Variants in MGAT4C observed in about 807,000 individuals in gnomAD.
The protein encoded by MGAT4C is MGAT4 family member C, also known as alpha-1,3-mannosyl-glycoprotein 4-beta-N-acetylglucosaminyltransferase C.
A neutral mutation model predicts 40.1 loss-of-function variants in MGAT4C; 19 were observed. That is an observed-to-expected ratio of 0.47 (90% CI 0.33 to 0.70). The LOEUF is 0.70. MGAT4C is among the 30% of genes least tolerant of loss of function. The pLI is 0.02. For missense variants in MGAT4C, 491 were observed against 563.2 expected, an observed-to-expected ratio of 0.87 and a Z score of 1.30; for synonymous variants, 181 against 187.1, an observed-to-expected ratio of 0.97 and a Z score of 0.27.
intron 2 of MGAT4C, among the ~76,000 whole-genome samples, chr12:86,684,366 A>G (rs1950034105): frequency 6.6e-6 from 1 of 152,110 alleles, no homozygotes; most frequent in African/African-American, 2.4e-5. Context: ...TAAACTCATT[A>G]ATTTTTATGG....
At chr12:86,129,913 C>G (rs1202721750) in intron 1 of MGAT4C, among the ~76,000 whole-genome samples, 1 of 152,128 alleles carries the variant, frequency 6.6e-6, no homozygotes, top group Admixed American at 6.6e-5. Context: ...CAGTCTACCC[C>G]TACAACATAA....
At chr12:86,550,057 T>C (rs1959270566) in intron 2 of MGAT4C, among the ~76,000 whole-genome samples, 2 of 152,176 alleles carry the variant, frequency 1.3e-5, no homozygotes, top group South Asian at 4.1e-4. Context: ...GTTTTGATGA[T>C]AGTGAGTGAC....
At chr12:86,280,540 T>G (rs1020405916) in intron 4 of MGAT4C, among the ~76,000 whole-genome samples, 1 of 152,032 alleles carries the variant, frequency 6.6e-6, no homozygotes, top group Non-Finnish European at 1.5e-5. Flanking sequence ...TTAATGCATA[T>G]CTTTTCAGAA....
At chr12:86,649,260 T>C (rs776403259) in intron 2 of MGAT4C, among the ~76,000 whole-genome samples, 2 of 151,800 alleles carry the variant, frequency 1.3e-5, no homozygotes, top group Non-Finnish European at 2.9e-5. Flanking sequence ...ATTATTATAA[T>C]AGTTTTGTAC....
chr12:86,209,570 T>G (rs944378683), intron 1 of MGAT4C, among the ~76,000 whole-genome samples: 2 of 152,176 alleles, frequency 1.3e-5, no homozygotes, highest in Admixed American at 6.5e-5. Flanking sequence ...TTGGGACACA[T>G]GAAATTCTTT....
At chr12:86,524,398 A>G (rs1025380186) in intron 2 of MGAT4C, among the ~76,000 whole-genome samples, 1 of 152,084 alleles carries the variant, frequency 6.6e-6, no homozygotes, top group Non-Finnish European at 1.5e-5. Context: ...GCTTTCCTCT[A>G]AAAATGTTGA....
chr12:86,833,880 C>T (rs1952981031), intron 1 of MGAT4C, among the ~76,000 whole-genome samples: 1 of 151,796 alleles, frequency 6.6e-6, no homozygotes, highest in Non-Finnish European at 1.5e-5. Flanking sequence ...ATTTGTCTGA[C>T]ATTATATATA....
At chr12:86,432,395 T>C (rs1454730782) in intron 3 of MGAT4C, among the ~76,000 whole-genome samples, 1 of 151,970 alleles carries the variant, frequency 6.6e-6, no homozygotes, top group Non-Finnish European at 1.5e-5. Flanking sequence ...TAGAGATGTG[T>C]AGTAAATATA....
chr12:86,032,316 T>C lies in MGAT4C; in HGVS notation c.-7+17358A>G, dbSNP rs371370611. ...GGGTTGAACGGTAGAATTACCATTT[T>C]GAGATATTTGAGAAATCGCAACACT... is the stretch of plus-strand genomic sequence containing the variant. On this transcript the variant is annotated intron_variant, in intron 2 of 4. Transcript: ENST00000611864. Among the ~76,000 whole-genome samples, 219 of 150,570 alleles carry C rather than the reference T, an allele frequency of 1.5e-3. 2 individuals are homozygous for C. The highest frequency in any genetic ancestry group is 5.0e-3 in the African/African-American group (208 of 41,448).
At chr12:86,424,654 C>A (rs1956891598) in intron 3 of MGAT4C, among the ~76,000 whole-genome samples, 2 of 152,188 alleles carry the variant, frequency 1.3e-5, no homozygotes, top group Non-Finnish European at 2.9e-5. Context: ...ATTATAAATA[C>A]TTATATAGAG....
intron 2 of MGAT4C, among the ~76,000 whole-genome samples, chr12:86,565,035 A>C (rs1960030291): frequency 6.6e-6 from 1 of 151,762 alleles, no homozygotes; most frequent in African/African-American, 2.4e-5. Context: ...GCAGATAACT[A>C]CTCTCTTCTT....
chr12:86,501,400 G>A (rs56721311), intron 2 of MGAT4C, among the ~76,000 whole-genome samples: 4,215 of 151,958 alleles, frequency 0.028, 160 homozygotes, highest in African/African-American at 0.087. Context: ...ACAGTTAAAC[G>A]CGTACCATGG....
intron 2 of MGAT4C, among the ~76,000 whole-genome samples, chr12:86,668,165 G>A (rs1437590371): frequency 6.6e-6 from 1 of 152,086 alleles, no homozygotes; most frequent in African/African-American, 2.4e-5. Flanking sequence ...GGCATATTAG[G>A]GGCTTTTAAC....
At chr12:86,552,010 T>C (rs1354297735) in intron 2 of MGAT4C, among the ~76,000 whole-genome samples, 2 of 98,134 alleles carry the variant, frequency 2.0e-5, no homozygotes, top group Non-Finnish European at 4.1e-5. Flanking sequence ...AGGCACACAT[T>C]AAACATTAAA....
chr12:86,493,611 C>T (rs965641059), intron 2 of MGAT4C, among the ~76,000 whole-genome samples: 1 of 146,572 alleles, frequency 6.8e-6, no homozygotes, highest in Non-Finnish European at 1.5e-5. Flanking sequence ...AACACATGGA[C>T]ACAGGAAGGG....
At chr12:86,569,821 A>C (rs925614417) in intron 2 of MGAT4C, among the ~76,000 whole-genome samples, 1 of 152,140 alleles carries the variant, frequency 6.6e-6, no homozygotes, top group Non-Finnish European at 1.5e-5. Flanking sequence ...GATTACAAAA[A>C]CGTGGTGTAA....
At chr12:86,498,846 G>A (rs1221642008) in intron 2 of MGAT4C, among the ~76,000 whole-genome samples, 1 of 151,732 alleles carries the variant, frequency 6.6e-6, no homozygotes, top group African/African-American at 2.4e-5. Context: ...TGTAAACATC[G>A]AATAACATCA....
chr12:86,688,316 C>G (rs2136592587), intron 2 of MGAT4C, among the ~76,000 whole-genome samples: 1 of 152,074 alleles, frequency 6.6e-6, no homozygotes, highest in South Asian at 2.1e-4. Context: ...CAGTCTGTGT[C>G]TTTTAATTGG....
chr12:86,593,605 C>T (rs2136451265), intron 2 of MGAT4C, among the ~76,000 whole-genome samples: 1 of 152,108 alleles, frequency 6.6e-6, no homozygotes, highest in African/African-American at 2.4e-5. Context: ...TTTCTAATTC[C>T]CCTGGTGATT....
Sources: gnomAD v4.1 joint callset for allele counts (sites outside exome capture counted in the v4.1 genomes callset) on GRCh38, gnomAD v4.1.1 for gene constraint, MANE v1.5 for transcripts, NCBI Gene and HGNC (gene_info 2026-07-23, HGNC 2026-07-21) for gene names.